SPATS2L: variants seen among roughly 807,000 people sequenced by gnomAD.
SPATS2L encodes spermatogenesis associated serine rich 2 like.
Under a neutral mutation model 59.6 loss-of-function variants are expected in SPATS2L, and 30 were observed. The observed-to-expected ratio is 0.50, with a 90% CI of 0.38 to 0.68. The LOEUF is 0.68. SPATS2L is among the 30% of genes least tolerant of loss of function. SPATS2L has a pLI of 0.00. For synonymous variants in SPATS2L, 252 were observed against 263.5 expected (o/e 0.96, Z 0.42); for missense variants, 615 against 700.0 (o/e 0.88, Z 1.37).
intron 2 of SPATS2L, among the ~76,000 whole-genome samples, chr2:200,332,122 A>G (rs1458770975): frequency 1.3e-5 from 2 of 151,116 alleles, no homozygotes; most frequent in African/African-American, 4.9e-5. Flanking sequence ...AAGAGGAAAA[A>G]TTTTATTACA....
rs147104578 is a variant in SPATS2L at position 200,392,845 on chromosome 2, G to T, written c.39+3562G>T. 6.6e-5 allele frequency among the ~76,000 whole-genome samples: 10 copies of T among 152,294 alleles called. No homozygotes were observed. The East Asian group carries it at 1.7e-3, about 26-fold the overall frequency. ...GGAGAACACCCAGCTGATGTCTGCT[G>T]AAGAATCCACTGCTGAACGATTACT... On this transcript the variant is annotated intron_variant, in intron 3 of 12. Coordinates refer to ENST00000409140, the MANE Select transcript of SPATS2L (RefSeq NM_001100423.2).
chr2:200,396,403 GTC>G (rs2082355465), intron 3 of SPATS2L, among the ~76,000 whole-genome samples: 1 of 152,166 alleles, frequency 6.6e-6, no homozygotes, highest in Non-Finnish European at 1.5e-5. Flanking sequence ...CATATTCAAT[GTC>G]TCTGCAGATG....
intron 11 of SPATS2L, among the ~76,000 whole-genome samples, chr2:200,470,379 C>G (rs2086933420): frequency 6.6e-6 from 1 of 152,186 alleles, no homozygotes; most frequent in Admixed American, 6.5e-5. Context: ...CCTAACATGT[C>G]TGGGAACAAT....
At position 200,419,243 on chromosome 2, in the gene SPATS2L, A is replaced by G; in HGVS notation, c.199-7A>G. On this transcript the variant is annotated splice_polypyrimidine_tract_variant and splice_region_variant and intron_variant, in intron 5 of 12. Coordinates refer to ENST00000409140, the MANE Select transcript of SPATS2L (RefSeq NM_001100423.2). Reference sequence around the variant, plus strand: ...AATATTATGTTCTCATTTGTTTCTCATTCTAGAACAATAAAAGAAAAAGAA... The same window carrying G: ...AATATTATGTTCTCATTTGTTTCTCGTTCTAGAACAATAAAAGAAAAAGAA... The G allele has an allele frequency of 6.4e-7, 1 of 1,557,006 alleles. No homozygotes were observed. The highest frequency in any genetic ancestry group is 2.4e-5 in the East Asian group (1 of 42,352).
At chr2:200,339,284 A>G (rs1272651341) in intron 2 of SPATS2L, among the ~76,000 whole-genome samples, 1 of 152,084 alleles carries the variant, frequency 6.6e-6, no homozygotes, top group Non-Finnish European at 1.5e-5. Context: ...GTAGGCCACA[A>G]TCATTTTTAT....
At chr2:200,355,445 T>C (rs1248652847) in intron 2 of SPATS2L, among the ~76,000 whole-genome samples, 1 of 152,232 alleles carries the variant, frequency 6.6e-6, no homozygotes, top group East Asian at 1.9e-4. Flanking sequence ...ACAAGCCCCA[T>C]TCATTGTCAT....
At chr2:200,329,845 G>A (rs1306752368) in intron 2 of SPATS2L, among the ~76,000 whole-genome samples, 1 of 151,944 alleles carries the variant, frequency 6.6e-6, no homozygotes, top group African/African-American at 2.4e-5. Flanking sequence ...ATGGCTAAGA[G>A]TGGTGGGCTC....
intron 2 of SPATS2L, among the ~76,000 whole-genome samples, chr2:200,361,347 G>A (rs916585581): frequency 2.0e-5 from 3 of 152,114 alleles, no homozygotes; most frequent in Admixed American, 2.0e-4. Flanking sequence ...TGGAAGCCCT[G>A]GTCCCTGGAT....
At chr2:200,465,114 C>T (rs1200298845) in intron 9 of SPATS2L, among the ~76,000 whole-genome samples, 2 of 152,202 alleles carry the variant, frequency 1.3e-5, no homozygotes, top group Non-Finnish European at 2.9e-5. Context: ...GCAGTTCACA[C>T]CGTAGTCCCG....
At chr2:200,358,577 A>G (rs1302242039) in intron 2 of SPATS2L, among the ~76,000 whole-genome samples, 1 of 146,224 alleles carries the variant, frequency 6.8e-6, no homozygotes, top group Non-Finnish European at 1.5e-5. Flanking sequence ...CACTACATAC[A>G]CACAAAGGTG....
intron 1 of SPATS2L, among the ~76,000 whole-genome samples, chr2:200,319,379 A>AG (rs1282559394): frequency 6.6e-6 from 1 of 152,146 alleles, no homozygotes; most frequent in Non-Finnish European, 1.5e-5. Flanking sequence ...AGCCTGGCCA[A>AG]CATGGCAAAA....
chr2:200,444,333 G>A (rs1159547621), intron 8 of SPATS2L, among the ~76,000 whole-genome samples: 3 of 152,180 alleles, frequency 2.0e-5, no homozygotes, highest in East Asian at 3.8e-4. Context: ...AAACATTGAG[G>A]AAGGAGAATA....
rs576390388 is a variant in SPATS2L at position 200,474,578 on chromosome 2, C to T, written c.1281+1526C>T. Among the ~76,000 whole-genome samples the T allele has an allele frequency of 2.0e-5, 3 of 152,268 alleles. No individual in the cohort carries two copies. The South Asian group carries it at 6.2e-4, about 32-fold the overall frequency. ...TCAGCCTCCCAAAGTGCTGAGATTA[C>T]AGGCATGAGCCACCATGCCTGGCCT... On this transcript the variant is annotated intron_variant, in intron 12 of 12. Transcript: ENST00000409140.
At chr2:200,390,774 A>T (rs2082148055) in intron 3 of SPATS2L, 1 of 151,794 alleles carries the variant, frequency 6.6e-6, no homozygotes, top group Non-Finnish European at 1.5e-5. Context: ...ATGAATGTAG[A>T]TGAGAACAAA....
At chr2:200,440,921 T>A in intron 8 of SPATS2L, 137 bp downstream of exon 8, 1 of 828,674 alleles carries the variant, frequency 1.2e-6, no homozygotes, top group South Asian at 2.2e-5. Flanking sequence ...TGTTAAGCCC[T>A]GCAGGCAGTA....
At chr2:200,444,540 A>G (rs2106122221) in intron 8 of SPATS2L, among the ~76,000 whole-genome samples, 1 of 152,230 alleles carries the variant, frequency 6.6e-6, no homozygotes, top group South Asian at 2.1e-4. Flanking sequence ...TGGGGGCTGG[A>G]GGGAGCAGTC....
At chr2:200,338,889 A>C (rs1476506677) in intron 2 of SPATS2L, among the ~76,000 whole-genome samples, 1 of 152,238 alleles carries the variant, frequency 6.6e-6, no homozygotes. Context: ...AGGGTGGATC[A>C]GCACAAATTT....
chr2:200,363,913 G>C (rs971435787), intron 2 of SPATS2L, among the ~76,000 whole-genome samples: 2 of 152,222 alleles, frequency 1.3e-5, no homozygotes, highest in African/African-American at 4.8e-5. Flanking sequence ...ACTCACTTCA[G>C]TGTTAGTATT....
At chr2:200,374,715 G>A (rs527595307) in intron 2 of SPATS2L, among the ~76,000 whole-genome samples, 2 of 152,208 alleles carry the variant, frequency 1.3e-5, no homozygotes, top group East Asian at 1.9e-4. Flanking sequence ...TCTACGAATC[G>A]GCCAAGAATG....
Sources: allele counts gnomAD v4.1 joint callset (sites outside exome capture counted in the v4.1 genomes callset), GRCh38; gene constraint gnomAD v4.1.1; transcripts MANE v1.5; gene names NCBI Gene and HGNC (gene_info 2026-07-23, HGNC 2026-07-21).